ANK3: variants seen among roughly 807,000 people sequenced by gnomAD.
ANK3 encodes the protein ankyrin-3.
ANK3 carries 57 observed loss-of-function variants against 370.9 expected under a neutral mutation model. The observed-to-expected ratio is 0.15, with a 90% confidence interval of 0.12 to 0.19. The LOEUF is 0.19. Among genes scored for constraint, ANK3 ranks in the 10% least tolerant of loss-of-function variants. ANK3 has a pLI of 1.00. For synonymous variants in ANK3, 1,929 were observed against 1,946.3 expected, an observed-to-expected ratio of 0.99 and a Z score of 0.23; for missense variants, 4,439 against 5,302.1, an observed-to-expected ratio of 0.84 and a Z score of 5.06.
At chr10:60,312,464 T>C (rs2046552301) in intron 1 of ANK3, among the ~76,000 whole-genome samples, 1 of 152,192 alleles carries the variant, frequency 6.6e-6, no homozygotes, top group Non-Finnish European at 1.5e-5. Flanking sequence ...ACATGGTCTG[T>C]TCCTACCTTA....
In ANK3 at chr10:60,082,193, G is replaced by A; in HGVS notation, c.4324-17C>T. On this transcript the variant is annotated splice_polypyrimidine_tract_variant and intron_variant, in intron 34 of 43. Coordinates refer to ENST00000280772, the MANE Select transcript of ANK3 (RefSeq NM_020987.5). ...CTCTGTCTCCTTTTGGTTCCAAGAT[G>A]CATTGCAGAGACAAGGAATATTATA... The A allele has an allele frequency of 6.2e-7, 1 of 1,603,534 alleles. No homozygotes were observed. The highest frequency in any genetic ancestry group is 8.5e-7 in the Non-Finnish European group (1 of 1,172,004).
intron 2 of ANK3, among the ~76,000 whole-genome samples, chr10:60,425,899 G>A (rs1595005891): frequency 1.3e-5 from 2 of 152,102 alleles, no homozygotes; most frequent in African/African-American, 2.4e-5. Flanking sequence ...CAATTACCAC[G>A]GGACCTTGAG....
chr10:60,538,883 T>G (rs1167011076), intron 2 of ANK3, among the ~76,000 whole-genome samples: 2 of 151,954 alleles, frequency 1.3e-5, no homozygotes, highest in African/African-American at 2.4e-5. Context: ...ATTGAAACAA[T>G]GGCTTCTAAT....
At chr10:60,370,027 G>C (rs2059898356) in intron 1 of ANK3, among the ~76,000 whole-genome samples, 2 of 152,096 alleles carry the variant, frequency 1.3e-5, no homozygotes, top group Admixed American at 1.3e-4. Context: ...CACTTCTTCA[G>C]AGGTATTTTA....
chr10:60,580,169 C>T (rs2077732309), intron 2 of ANK3, among the ~76,000 whole-genome samples: 1 of 152,254 alleles, frequency 6.6e-6, no homozygotes, highest in Admixed American at 6.5e-5. Context: ...TACTTATTTT[C>T]TATTTTGTAA....
chr10:60,587,841 G>A (rs2077853877), intron 2 of ANK3, among the ~76,000 whole-genome samples: 1 of 152,038 alleles, frequency 6.6e-6, no homozygotes, highest in Non-Finnish European at 1.5e-5. Context: ...ATAAAAGCAA[G>A]TTTTTCTATG....
chr10:60,379,987 T>G (rs1566940824), intron 1 of ANK3, among the ~76,000 whole-genome samples: 2 of 151,354 alleles, frequency 1.3e-5, no homozygotes, highest in African/African-American at 2.4e-5. Flanking sequence ...ATTTGTCAAT[T>G]AAAAAAAATC....
At chr10:60,468,245 A>G (rs968656561) in intron 2 of ANK3, among the ~76,000 whole-genome samples, 6 of 152,102 alleles carry the variant, frequency 3.9e-5, no homozygotes, top group African/African-American at 1.4e-4. Context: ...CGGCCTCCCA[A>G]AGTGCTGGAA....
At chr10:60,131,760 A>G (rs1484458908) in intron 25 of ANK3, among the ~76,000 whole-genome samples, 1 of 152,184 alleles carries the variant, frequency 6.6e-6, no homozygotes, top group Non-Finnish European at 1.5e-5. Context: ...TAGAGTAACT[A>G]TGGTGGTAAT....
Position 60,407,047 on chromosome 10 carries a change from C to G in ANK3, c.97-127408G>C, listed in dbSNP as rs187636083. 7.2e-5 allele frequency among the ~76,000 whole-genome samples: 11 copies of G among 152,262 alleles called. No individual in the cohort carries two copies. In the East Asian group the frequency reaches 1.9e-3, roughly 27 times the overall value. On this transcript the variant is annotated intron_variant, in intron 2 of 43. Coordinates refer to the ANK3 transcript ENST00000373827. Reference sequence around the variant, plus strand: ...TATCATTTTCCCTGCATTTTCTAGGCAAACTTTCAGATAGAAATTCATTGA... The same window carrying G: ...TATCATTTTCCCTGCATTTTCTAGGGAAACTTTCAGATAGAAATTCATTGA...
At chr10:60,194,786 G>A (rs1279903940) in intron 16 of ANK3, among the ~76,000 whole-genome samples, 2 of 152,132 alleles carry the variant, frequency 1.3e-5, no homozygotes, top group Non-Finnish European at 2.9e-5. Context: ...CAGAAACTGT[G>A]GAGGGGAAAG....
intron 1 of ANK3, among the ~76,000 whole-genome samples, chr10:60,285,207 C>T (rs1162906100): frequency 6.6e-6 from 1 of 152,040 alleles, no homozygotes; most frequent in African/African-American, 2.4e-5. Flanking sequence ...AATAAAATAA[C>T]CTACTGTTAG....
intron 2 of ANK3, among the ~76,000 whole-genome samples, chr10:60,501,857 C>T (rs112288216): frequency 0.018 from 2,781 of 152,048 alleles, 47 homozygotes; most frequent in Middle Eastern, 0.028. Flanking sequence ...CTTGGTGGTG[C>T]AAACCTGTAG....
chr10:60,234,484 C>A (rs1184660391), intron 8 of ANK3, among the ~76,000 whole-genome samples: 1 of 152,126 alleles, frequency 6.6e-6, no homozygotes, highest in Non-Finnish European at 1.5e-5. Context: ...AGCCAGGTAC[C>A]ATTTAACTGT....
intron 15 of ANK3, 27 bp from the exon 16 acceptor site, chr10:60,196,270 C>G (rs1347799914): frequency 3.8e-6 from 6 of 1,597,380 alleles, no homozygotes; most frequent in South Asian, 1.1e-5. Context: ...AAACAACAAC[C>G]AGTGTCAAAG....
intron 2 of ANK3, among the ~76,000 whole-genome samples, chr10:60,578,203 A>C (rs1397630188): frequency 6.6e-6 from 1 of 152,228 alleles, no homozygotes; most frequent in African/African-American, 2.4e-5. Context: ...ACAATGATAT[A>C]ATAAAAGTAT....
chr10:60,264,467 G>A (rs1247916133), intron 5 of ANK3, among the ~76,000 whole-genome samples: 1 of 151,914 alleles, frequency 6.6e-6, no homozygotes, highest in Non-Finnish European at 1.5e-5. Context: ...TCAACATTGT[G>A]AAACCCCGTC....
chr10:60,427,002 C>T (rs1332307624), intron 2 of ANK3, among the ~76,000 whole-genome samples: 5 of 152,088 alleles, frequency 3.3e-5, no homozygotes, highest in Admixed American at 6.6e-5. Flanking sequence ...TCTGATGCTT[C>T]GAATTCCTTT....
At chr10:60,151,392 T>C (rs575562003) in intron 23 of ANK3, among the ~76,000 whole-genome samples, 379 of 152,254 alleles carry the variant, frequency 2.5e-3, no homozygotes, top group Non-Finnish European at 3.6e-3. Context: ...TGAGATGTGA[T>C]GTTAAAAAGA....
Sources: allele counts gnomAD v4.1 joint callset (sites outside exome capture counted in the v4.1 genomes callset), GRCh38; gene constraint gnomAD v4.1.1; transcripts MANE v1.5; gene names NCBI Gene and HGNC (gene_info 2026-07-23, HGNC 2026-07-21).